The following YLPM1 variants were observed in gnomAD, a reference collection of about 807,000 sequenced individuals.
YLPM1 encodes the protein YLP motif containing 1.
A neutral mutation model predicts 230.0 loss-of-function variants in YLPM1; 99 were observed. The ratio of observed to expected loss-of-function variants is 0.43; its 90% confidence interval spans 0.37 to 0.51. YLPM1 has a LOEUF of 0.51. Ranked by LOEUF, YLPM1 falls within the 20% of genes least tolerant of loss-of-function variation. The probability of loss-of-function intolerance (pLI) is 0.00; values close to 1 mark genes in which losing one functional copy is unlikely to be tolerated. For synonymous variants in YLPM1, 984 were observed against 942.5 expected (o/e 1.04, Z -0.81); for missense variants, 2,592 against 2,707.7 (o/e 0.96, Z 0.95).
chr14:74,833,121 T>C (rs2091620354), intron 19 of YLPM1, among the ~76,000 whole-genome samples: 1 of 149,808 alleles, frequency 6.7e-6, no homozygotes, highest in South Asian at 2.3e-4. Flanking sequence ...TTTAAATCCA[T>C]TCCCACGGCA....
intron 1 of YLPM1, among the ~76,000 whole-genome samples, chr14:74,768,340 C>T (rs1196471055): frequency 6.6e-6 from 1 of 152,050 alleles, no homozygotes; most frequent in African/African-American, 2.4e-5. Flanking sequence ...ACTTCCACTT[C>T]CTGGGTTCAA....
At chr14:74,769,625 A>G (rs1433589818) in intron 1 of YLPM1, among the ~76,000 whole-genome samples, 1 of 150,856 alleles carries the variant, frequency 6.6e-6, no homozygotes, top group Non-Finnish European at 1.5e-5. Context: ...AGGTTTCACC[A>G]TCTTGGCCAG....
intron 1 of YLPM1, 82 bp from the exon 2 acceptor site, chr14:74,778,365 A>C: frequency 1.6e-6 from 2 of 1,229,296 alleles, no homozygotes; most frequent in Non-Finnish European, 2.3e-6. Context: ...GAACACAGAC[A>C]TAAAGATAGG....
chr14:74,822,620 T>C (rs1027116223), intron 17 of YLPM1, among the ~76,000 whole-genome samples: 1 of 152,130 alleles, frequency 6.6e-6, no homozygotes, highest in Non-Finnish European at 1.5e-5. Flanking sequence ...CCTGACTTGA[T>C]TATAAAACTT....
Position 74,798,048 on chromosome 14 carries a change from G to A in YLPM1, c.2751G>A (p.Gly917=), listed in dbSNP as rs760978192. The stretch of plus-strand genomic sequence containing the variant: ...CACCTAAAAGTGAAGTCTCGGAAGG[G>A]CCCGTAGAGCCCTCTAATTGGGACC... ...QEPPKSEVSE[G]PVEPSNWDQN... Residue 917 remains glycine (G), a synonymous_variant, in exon 5 of 21, where the codon GGG becomes GGA. Coordinates refer to ENST00000325680, the MANE Select transcript of YLPM1 (RefSeq NM_019589.3). 1.9e-6 allele frequency: 3 copies of A among 1,613,730 alleles called. No homozygotes were observed. The highest frequency in any genetic ancestry group is 2.7e-5 in the African/African-American group (2 of 74,864).
chr14:74,766,527 C>T (rs1424986552), intron 1 of YLPM1, among the ~76,000 whole-genome samples: 1 of 152,092 alleles, frequency 6.6e-6, no homozygotes, highest in Non-Finnish European at 1.5e-5. Context: ...CTGTCAGTCA[C>T]CCAGGGTGGA....
Position 74,798,126 on chromosome 14 carries a change from G to T in YLPM1, c.2829G>T (p.Gln943His), listed in dbSNP as rs1409676295. Residue 943 changes from glutamine to histidine, a missense_variant, in exon 5 of 21, where the codon CAG (glutamine) becomes CAT (histidine). Coordinates refer to ENST00000325680, the MANE Select transcript of YLPM1 (RefSeq NM_019589.3). The part of the protein sequence containing the change: ...TQIDKAQAVT[Q>H]PVPLANKPVP... ...TCGACAAAGCCCAAGCTGTTACTCA[G>T]CCTGTACCCCTTGCGAATAAGCCTG... The T allele has an allele frequency of 6.2e-7, 1 of 1,613,954 alleles. No individual in the cohort carries two copies. Among genetic ancestry groups the T allele is most frequent in the East Asian group, 2.2e-5 (1 of 44,876 alleles).
In YLPM1 at chr14:74,781,733, G is replaced by C. The variant is rs1184404294; in HGVS notation, c.1690G>C (p.Val564Leu). The stretch of plus-strand genomic sequence containing the variant: ...GCCACCACCTGGCATGCCCCCACCT[G>C]TTATGCCACCTTCTCTACCAACCTC... ...TVPPPGMPPP[V>L]MPPSLPTSVP... Residue 564 changes from valine to leucine, a missense_variant, in exon 4 of 21, where the codon GTT becomes CTT. This residue lies in a region of YLPM1 where 1,862 missense variants were observed against 1,819.8 expected (regional missense o/e 1.02). Transcript: ENST00000325680. 2 of 1,591,456 alleles carry C rather than the reference G, an allele frequency of 1.3e-6. No individual in the cohort carries two copies. Among genetic ancestry groups the C allele is most frequent in the East Asian group, 2.3e-5 (1 of 44,202 alleles).
chr14:74,829,234 C>G lies in YLPM1; in HGVS notation c.6185C>G (p.Thr2062Ser), dbSNP rs1317310436. The G allele has an allele frequency of 1.2e-6, 2 of 1,613,000 alleles. No individual in the cohort carries two copies. The highest frequency in any genetic ancestry group is 4.5e-5 in the East Asian group (2 of 44,874). Reference protein sequence around the residue: ...AKLDKLDGLRTGTKRKRDWEA... With the variant: ...AKLDKLDGLRSGTKRKRDWEA... The stretch of plus-strand genomic sequence containing the variant: ...TCAGACAAGTTGGATGGCTTGAGGA[C>G]TGGTACTAAAAGGAAACGTGACTGG... Residue 2062 changes from threonine (T) to serine (S), a missense_variant, in exon 19 of 21, where the codon ACT becomes AGT. Physicochemically the swap from Thr to Ser is moderately conservative, Grantham distance 58 (BLOSUM62 1). Transcript: ENST00000325680.
At chr14:74,797,479 G>A (rs930806778) in intron 4 of YLPM1, 101 bp from the exon 5 acceptor site, 1 of 1,022,064 alleles carries the variant, frequency 9.8e-7, no homozygotes, top group Non-Finnish European at 1.4e-6. Flanking sequence ...AGTCATTGTT[G>A]TAAACAAATT....
intron 5 of YLPM1, among the ~76,000 whole-genome samples, chr14:74,801,609 C>T (rs930146171): frequency 2.0e-5 from 3 of 152,086 alleles, no homozygotes; most frequent in African/African-American, 7.2e-5. Flanking sequence ...TAAAATGTCC[C>T]CAAGAATCAG....
Position 74,781,967 on chromosome 14 carries a change from A to G in YLPM1, c.1924A>G (p.Ile642Val). 1 of 1,613,550 alleles carries G rather than the reference A, an allele frequency of 6.2e-7. No homozygotes were observed. Among genetic ancestry groups the G allele is most frequent in the African/African-American group, 1.3e-5 (1 of 74,956 alleles). Reference protein sequence around the residue: ...GIPPPGVPQGIPPQLTAAPVP... With the variant: ...GIPPPGVPQGVPPQLTAAPVP... Reference sequence around the variant, plus strand: ...ACCTCCCCCTGGAGTTCCACAAGGGATACCTCCTCAGTTAACAGCAGCCCC... The same window carrying G: ...ACCTCCCCCTGGAGTTCCACAAGGGGTACCTCCTCAGTTAACAGCAGCCCC... Residue 642 changes from isoleucine (I) to valine (V), a missense_variant, in exon 4 of 21, where the codon ATA becomes GTA. Transcript: ENST00000325680.
intron 6 of YLPM1, among the ~76,000 whole-genome samples, chr14:74,808,217 G>A (rs142974246): frequency 1.8e-3 from 281 of 152,292 alleles, no homozygotes; most frequent in African/African-American, 6.4e-3. Flanking sequence ...TGGGCATTTT[G>A]TATAAATGAA....
At chr14:74,802,499 CACTT>C (rs2091337807) in intron 5 of YLPM1, 53 bp from the exon 6 acceptor site, 2 of 1,523,310 alleles carry the variant, frequency 1.3e-6, no homozygotes, top group African/African-American at 2.8e-5. Context: ...TAATTGTAGT[CACTT>C]AGGAATGGAA....
chr14:74,781,207 G>A, intron 3 of YLPM1, 127 bp from the exon 4 acceptor site: 1 of 1,049,086 alleles, frequency 9.5e-7, no homozygotes. Context: ...CTTATTCTTA[G>A]CCTCCCAAAG....
intron 6 of YLPM1, among the ~76,000 whole-genome samples, chr14:74,808,259 TC>T (rs1264775581): frequency 2.6e-5 from 4 of 152,246 alleles, no homozygotes; most frequent in Non-Finnish European, 5.9e-5. Flanking sequence ...GTGTCTATCT[TC>T]TTTTCAAAGT....
chr14:74,790,101 A>G (rs2091191581), intron 4 of YLPM1, among the ~76,000 whole-genome samples: 1 of 152,230 alleles, frequency 6.6e-6, no homozygotes, highest in African/African-American at 2.4e-5. Flanking sequence ...GAATCCATTG[A>G]CCATTTGGAG....
chr14:74,798,445 G>A lies in YLPM1; in HGVS notation c.3148G>A (p.Gly1050Arg). 1 of 1,613,980 alleles carries A rather than the reference G, an allele frequency of 6.2e-7. No individual in the cohort carries two copies. Among genetic ancestry groups the A allele is most frequent in the Non-Finnish European group, 8.5e-7 (1 of 1,179,888 alleles). The change falls in exon 5 of 21, where the codon GGA (glycine) becomes AGA (arginine). Residue 1050 changes from glycine (G) to arginine (R), a missense_variant. By Grantham distance (125) the Gly-to-Arg change is moderately radical. Coordinates refer to ENST00000325680, the MANE Select transcript of YLPM1 (RefSeq NM_019589.3). The stretch of plus-strand genomic sequence containing the variant: ...CGGCCAGGCAATCAGTCGAGGCCCA[G>A]GATTGGTCAAGCAAGAAGACTTTCG... ...GRGQAISRGP[G>R]LVKQEDFRDK...
rs1426297531 is a variant in YLPM1 at position 74,836,484 on chromosome 14, T to G, written c.*746T>G. On this transcript the variant is annotated 3_prime_UTR_variant, in exon 21 of 21. Transcript: ENST00000325680. ...GTAACATGATGCTTTATTTAAAAAT[T>G]TTTTTTGATCCTCTCTCTGTTCTTC... is the stretch of plus-strand genomic sequence containing the variant. The G allele has an allele frequency of 1.3e-5, 2 of 152,162 alleles. No homozygotes were observed. Among genetic ancestry groups the G allele is most frequent in the Non-Finnish European group, 2.9e-5 (2 of 68,016 alleles). 9.4% of individuals were successfully genotyped at this position (152,162 alleles called of 1,614,324 possible). A position where few individuals can be genotyped will look rare whatever the true frequency, so the allele number is the denominator to read the frequency against.
Sources: gnomAD v4.1 joint callset for allele counts (sites outside exome capture counted in the v4.1 genomes callset) on GRCh38, gnomAD v4.1.1 for gene constraint, gnomAD v4.1.1 regional missense constraint, MANE v1.5 for transcripts, NCBI Gene and HGNC (gene_info 2026-07-23, HGNC 2026-07-21) for gene names.